Variants in CNTLN observed in about 807,000 individuals in gnomAD.
CNTLN encodes centlein.
A neutral mutation model predicts 180.0 loss-of-function variants in CNTLN; 212 were observed. The observed-to-expected ratio is 1.18, with a 90% CI of 1.05 to 1.32. The LOEUF (loss-of-function observed/expected upper bound fraction) is 1.32. Ranked by LOEUF, CNTLN falls within the 40% of genes most tolerant of loss-of-function variation. The pLI, the probability that CNTLN is intolerant of heterozygous loss-of-function variation, is 0.00. For synonymous variants in CNTLN, 722 were observed against 563.1 expected, an observed-to-expected ratio of 1.28 and a Z score of -3.99; for missense variants, 2,095 against 1,610.9, an observed-to-expected ratio of 1.30 and a Z score of -5.14.
chr9:17,451,094 T>C (rs1221244161), intron 18 of CNTLN, among the ~76,000 whole-genome samples: 1 of 152,164 alleles, frequency 6.6e-6, no homozygotes, highest in Non-Finnish European at 1.5e-5. Context: ...TGCAGAATTT[T>C]ATTTCTTTCA....
chr9:17,303,993 T>C lies in CNTLN; in HGVS notation c.1147-5065T>C, dbSNP rs531921885. Among the ~76,000 whole-genome samples the C allele has an allele frequency of 2.8e-4, 42 of 152,302 alleles. 2 individuals are homozygous for C. In the South Asian group the frequency reaches 7.1e-3, roughly 26 times the overall value. On this transcript the variant is annotated intron_variant, in intron 7 of 25. Transcript: ENST00000380647. ...TCCTCTGTTCTCTTTCTCTCAATTC[T>C]TCACCCCTTTTTCTTGCCCTTACAT...
intron 7 of CNTLN, among the ~76,000 whole-genome samples, chr9:17,302,371 T>C (rs1418216810): frequency 6.6e-6 from 1 of 152,082 alleles, no homozygotes; most frequent in African/African-American, 2.4e-5. Flanking sequence ...CTAATTTTTG[T>C]ACTTTTCGAT....
rs1198630393 is a variant in CNTLN at position 17,415,791 on chromosome 9, T to C, written c.2800T>C (p.Tyr934His). The C allele has an allele frequency of 1.9e-6, 3 of 1,585,302 alleles. No individual in the cohort carries two copies. Among genetic ancestry groups the C allele is most frequent in the Admixed American group, 1.7e-5 (1 of 59,228 alleles). Residue 934 changes from tyrosine (Y) to histidine (H), a missense_variant, in exon 17 of 26, where the codon TAT becomes CAT. Tyr to His is a moderately conservative substitution (Grantham distance 83). Coordinates refer to ENST00000380647, the MANE Select transcript of CNTLN (RefSeq NM_017738.4). The stretch of plus-strand genomic sequence containing the variant: ...TTTATGAAATCTTCAAATTTAGGAC[T>C]ATTTTCATGATAAGAATGCCAAAAA... ...LNIDGKTPKD[Y>H]FHDKNAKKPT...
At chr9:17,336,848 T>C (rs1269333262) in intron 10 of CNTLN, among the ~76,000 whole-genome samples, 1 of 152,160 alleles carries the variant, frequency 6.6e-6, no homozygotes, top group Non-Finnish European at 1.5e-5. Flanking sequence ...AAATGCTGGG[T>C]CAAATGGTAT....
chr9:17,438,435 TA>T (rs1260239620), intron 18 of CNTLN, among the ~76,000 whole-genome samples: 2 of 152,172 alleles, frequency 1.3e-5, no homozygotes, highest in Non-Finnish European at 2.9e-5. Flanking sequence ...GTATTTAAGA[TA>T]TTTTTCAGGT....
At chr9:17,210,701 C>G (rs1160998180) in intron 2 of CNTLN, among the ~76,000 whole-genome samples, 2 of 152,042 alleles carry the variant, frequency 1.3e-5, no homozygotes, top group African/African-American at 4.8e-5. Flanking sequence ...TCCTGTTTCT[C>G]CGCATCCAGC....
At chr9:17,175,615 T>C (rs750601686) in intron 2 of CNTLN, among the ~76,000 whole-genome samples, 1 of 152,194 alleles carries the variant, frequency 6.6e-6, no homozygotes. Flanking sequence ...AAAATTGTTT[T>C]AGATATTTCA....
intron 9 of CNTLN, among the ~76,000 whole-genome samples, 162 bp from the exon 10 acceptor site, chr9:17,332,443 C>A (rs1032767855): frequency 6.6e-6 from 1 of 151,660 alleles, no homozygotes; most frequent in Non-Finnish European, 1.5e-5. Context: ...AGCGGTAGCA[C>A]TGTGGTAATT....
chr9:17,295,667 A>G (rs1363088744), intron 6 of CNTLN, among the ~76,000 whole-genome samples: 1 of 152,006 alleles, frequency 6.6e-6, no homozygotes, highest in African/African-American at 2.4e-5. Flanking sequence ...TTATTTTCAA[A>G]TGAGGAAAGA....
intron 13 of CNTLN, among the ~76,000 whole-genome samples, chr9:17,369,628 C>T (rs975810701): frequency 2.0e-5 from 3 of 150,714 alleles, no homozygotes; most frequent in African/African-American, 7.3e-5. Flanking sequence ...GCACTGGAGT[C>T]CCCTCATAGC....
chr9:17,390,910 C>A (rs1173434066), intron 14 of CNTLN, among the ~76,000 whole-genome samples: 1 of 152,128 alleles, frequency 6.6e-6, no homozygotes, highest in African/African-American at 2.4e-5. Context: ...CCACAGACAT[C>A]TTCAGTTGGT....
intron 2 of CNTLN, among the ~76,000 whole-genome samples, chr9:17,174,503 C>G (rs1820598115): frequency 6.6e-6 from 1 of 152,060 alleles, no homozygotes; most frequent in African/African-American, 2.4e-5. Context: ...TGAAACCAGC[C>G]TGGCCAATAT....
chr9:17,433,030 A>AC (rs1829515955), intron 18 of CNTLN, among the ~76,000 whole-genome samples: 1 of 150,432 alleles, frequency 6.6e-6, no homozygotes. Flanking sequence ...CAAAAAAAAA[A>AC]AAAAAAAACA....
At chr9:17,274,467 A>G (rs622392) in intron 6 of CNTLN, among the ~76,000 whole-genome samples, 195 of 103,990 alleles carry the variant, frequency 1.9e-3, no homozygotes, top group African/African-American at 4.6e-3. Flanking sequence ...CTATCTATCT[A>G]TCTATCTATC....
At chr9:17,281,103 T>C (rs1338988366) in intron 6 of CNTLN, among the ~76,000 whole-genome samples, 5 of 152,166 alleles carry the variant, frequency 3.3e-5, no homozygotes, top group Admixed American at 1.3e-4. Context: ...CTATTGGTAT[T>C]TCACAGCGGC....
At chr9:17,169,107 C>T (rs1242928732) in intron 2 of CNTLN, among the ~76,000 whole-genome samples, 1 of 152,172 alleles carries the variant, frequency 6.6e-6, no homozygotes, top group Admixed American at 6.5e-5. Context: ...AACTGATTCT[C>T]CTGCCTCAGC....
At chr9:17,497,409 A>G (rs902090446) in intron 25 of CNTLN, among the ~76,000 whole-genome samples, 3 of 152,198 alleles carry the variant, frequency 2.0e-5, no homozygotes, top group African/African-American at 7.2e-5. Context: ...TCTATCTTAC[A>G]TAACTTACCA....
chr9:17,194,671 T>A (rs1402137755), intron 2 of CNTLN, among the ~76,000 whole-genome samples: 1 of 152,188 alleles, frequency 6.6e-6, no homozygotes, highest in Non-Finnish European at 1.5e-5. Flanking sequence ...CCCTCCAAAC[T>A]GTTCCAACCT....
intron 2 of CNTLN, among the ~76,000 whole-genome samples, chr9:17,191,138 A>G (rs534481413): frequency 6.6e-6 from 1 of 152,366 alleles, no homozygotes; most frequent in South Asian, 2.1e-4. Context: ...TTAAACAGCC[A>G]TAACTATTTA....
Sources: allele counts gnomAD v4.1 joint callset (sites outside exome capture counted in the v4.1 genomes callset), GRCh38; gene constraint gnomAD v4.1.1; transcripts MANE v1.5; gene names NCBI Gene and HGNC (gene_info 2026-07-23, HGNC 2026-07-21).